GRM8: variants seen among roughly 807,000 people sequenced by gnomAD.
GRM8 encodes the protein metabotropic glutamate receptor 8.
In GRM8, 47 loss-of-function variants were observed where a neutral mutation model predicts 87.2. That is an observed-to-expected ratio of 0.54 (90% CI 0.43 to 0.69). The LOEUF is 0.69. Among genes scored for constraint, GRM8 ranks in the 30% least tolerant of loss-of-function variants. GRM8 has a pLI of 0.00. For missense variants in GRM8, 1,019 were observed against 1,139.2 expected, an observed-to-expected ratio of 0.89 and a Z score of 1.52; for synonymous variants, 396 against 404.5, an observed-to-expected ratio of 0.98 and a Z score of 0.25.
intron 2 of GRM8, among the ~76,000 whole-genome samples, chr7:127,126,449 T>C (rs886615095): frequency 1.3e-5 from 2 of 151,708 alleles, no homozygotes; most frequent in Non-Finnish European, 2.9e-5. Context: ...GAGTATAGAA[T>C]GGTAGGTCTA....
intron 6 of GRM8, among the ~76,000 whole-genome samples, chr7:126,850,134 G>C (rs1294450679): frequency 6.6e-6 from 1 of 152,090 alleles, no homozygotes; most frequent in Non-Finnish European, 1.5e-5. Flanking sequence ...CCATCCAGCT[G>C]TCCTTGTCAA....
chr7:127,229,883 T>C (rs1377390554), intron 2 of GRM8: 2 of 152,224 alleles, frequency 1.3e-5, no homozygotes, highest in African/African-American at 4.8e-5. Flanking sequence ...GCTTTTCTTA[T>C]TGGAATGAAG....
intron 7 of GRM8, among the ~76,000 whole-genome samples, chr7:126,655,498 T>C (rs1292809758): frequency 1.3e-5 from 2 of 152,138 alleles, no homozygotes; most frequent in Admixed American, 6.5e-5. Flanking sequence ...TCTCTGTTGC[T>C]GTCTCTCTCT....
chr7:127,188,351 C>G (rs1794843960), intron 2 of GRM8, among the ~76,000 whole-genome samples: 1 of 152,092 alleles, frequency 6.6e-6, no homozygotes, highest in Admixed American at 6.6e-5. Context: ...TAATAAAATA[C>G]TGAACAGGAA....
intron 6 of GRM8, among the ~76,000 whole-genome samples, chr7:126,863,148 A>G (rs1296363901): frequency 1.3e-5 from 2 of 152,102 alleles, no homozygotes; most frequent in South Asian, 2.1e-4. Context: ...TTTTATATAT[A>G]CTATGTTCAC....
intron 3 of GRM8, among the ~76,000 whole-genome samples, chr7:127,006,553 A>G (rs1814328277): frequency 6.6e-6 from 1 of 151,990 alleles, no homozygotes; most frequent in Admixed American, 6.6e-5. Flanking sequence ...AACAACCTCT[A>G]TCTTGCCATA....
At chr7:126,459,325 A>G (rs1714489783) in intron 9 of GRM8, among the ~76,000 whole-genome samples, 1 of 151,648 alleles carries the variant, frequency 6.6e-6, no homozygotes, top group East Asian at 2.0e-4. Flanking sequence ...TAAATCAGAA[A>G]GGTAGTACGT....
intron 8 of GRM8, among the ~76,000 whole-genome samples, chr7:126,603,046 T>C (rs1259949905): frequency 6.8e-6 from 1 of 147,994 alleles, no homozygotes; most frequent in Non-Finnish European, 1.5e-5. Context: ...CATGATCAAG[T>C]TGGCTTCATC....
intron 7 of GRM8, among the ~76,000 whole-genome samples, chr7:126,753,626 T>G (rs1428315802): frequency 6.6e-6 from 1 of 151,848 alleles, no homozygotes; most frequent in Non-Finnish European, 1.5e-5. Context: ...CACTGAGTAT[T>G]GAAATAAGAA....
At chr7:127,019,148 C>A (rs1188365799) in intron 3 of GRM8, among the ~76,000 whole-genome samples, 1 of 152,038 alleles carries the variant, frequency 6.6e-6, no homozygotes, top group Non-Finnish European at 1.5e-5. Flanking sequence ...AGTTACTACA[C>A]AAACACATGG....
At chr7:126,746,181 T>C (rs1456831847) in intron 7 of GRM8, among the ~76,000 whole-genome samples, 4 of 151,804 alleles carry the variant, frequency 2.6e-5, no homozygotes, top group African/African-American at 9.7e-5. Context: ...AAATATCACA[T>C]TTCCTGTGAA....
intron 7 of GRM8, among the ~76,000 whole-genome samples, chr7:126,693,087 G>C (rs1389295543): frequency 6.6e-6 from 1 of 152,128 alleles, no homozygotes; most frequent in Admixed American, 6.6e-5. Context: ...ACTTCACTAA[G>C]ATTAACTGGA....
At chr7:126,787,922 G>A (rs762621023) in intron 6 of GRM8, among the ~76,000 whole-genome samples, 2 of 151,844 alleles carry the variant, frequency 1.3e-5, no homozygotes, top group Non-Finnish European at 2.9e-5. Context: ...TTTGTGATCC[G>A]TTTCATTCTC....
intron 10 of GRM8, 141 bp downstream of exon 10, chr7:126,445,985 G>T: frequency 2.1e-6 from 2 of 949,912 alleles, no homozygotes; most frequent in South Asian, 1.5e-5. Flanking sequence ...TTTTAAATGT[G>T]ATGGTGTCAC....
At chr7:126,986,101 C>A (rs1192999497) in intron 3 of GRM8, among the ~76,000 whole-genome samples, 1 of 152,084 alleles carries the variant, frequency 6.6e-6, no homozygotes, top group Non-Finnish European at 1.5e-5. Flanking sequence ...AGCCTCCACA[C>A]TTCCTGGGCT....
At position 126,532,981 on chromosome 7, in the gene GRM8, A is replaced by C; in HGVS notation, c.2401T>G (p.Phe801Val). The stretch of plus-strand genomic sequence containing the variant: ...TCTGCTGACTGGGCTGTACCAAAAA[A>C]GATGGGGATGAAAGCTAACCAAATG... ...CIIWLAFIPI[F>V]FGTAQSAEKM... Residue 801 changes from phenylalanine (F) to valine (V), a missense_variant, in exon 9 of 11, where the codon TTT becomes GTT. Coordinates refer to ENST00000339582, the MANE Select transcript of GRM8 (RefSeq NM_000845.3). The C allele has an allele frequency of 6.2e-7, 1 of 1,612,792 alleles. No homozygotes were observed. The highest frequency in any genetic ancestry group is 8.5e-7 in the Non-Finnish European group (1 of 1,179,348).
At chr7:126,701,167 A>T (rs1049197887) in intron 7 of GRM8, among the ~76,000 whole-genome samples, 4 of 152,162 alleles carry the variant, frequency 2.6e-5, no homozygotes, top group Non-Finnish European at 5.9e-5. Context: ...CAATGAAATG[A>T]GTCAGCTAGT....
chr7:126,954,913 GA>G (rs1469738747), intron 3 of GRM8, among the ~76,000 whole-genome samples: 1 of 152,142 alleles, frequency 6.6e-6, no homozygotes, highest in Non-Finnish European at 1.5e-5. Context: ...GGTAGAGAAA[GA>G]AGAAGAGTCT....
intron 3 of GRM8, among the ~76,000 whole-genome samples, chr7:127,035,474 C>T (rs141711333): frequency 4.6e-5 from 7 of 152,270 alleles, no homozygotes; most frequent in African/African-American, 1.2e-4. Flanking sequence ...CTCCCACATC[C>T]GCTTCAGCCA....
Sources: allele counts gnomAD v4.1 joint callset (sites outside exome capture counted in the v4.1 genomes callset), GRCh38; gene constraint gnomAD v4.1.1; transcripts MANE v1.5; gene names NCBI Gene and HGNC (gene_info 2026-07-23, HGNC 2026-07-21).